The following PCDHA7 variants were observed in gnomAD, a reference collection of about 807,000 sequenced individuals.
PCDHA7 encodes the protein protocadherin alpha 7, also known as protocadherin alpha-7.
PCDHA7 carries 37 observed loss-of-function variants against 57.2 expected under a neutral mutation model. The ratio of observed to expected loss-of-function variants is 0.65; its 90% CI spans 0.50 to 0.85. The LOEUF (loss-of-function observed/expected upper bound fraction) is 0.85. Among genes scored for constraint, PCDHA7 ranks in the 40% least tolerant of loss-of-function variants. PCDHA7 has a pLI of 0.00. For missense variants in PCDHA7, 1,188 were observed against 1,241.8 expected (o/e 0.96, Z 0.65); for synonymous variants, 553 against 558.8 (o/e 0.99, Z 0.15).
At chr5:140,866,764 G>A (rs2049554706) in intron 1 of PCDHA7, 1 of 152,110 alleles carries the variant, frequency 6.6e-6, no homozygotes, top group Non-Finnish European at 1.5e-5. Flanking sequence ...GGACATACAG[G>A]CAGATTGTAT....
At chr5:140,876,480 C>T (rs368324550) in intron 1 of PCDHA7, 10 of 1,613,874 alleles carry the variant, frequency 6.2e-6, no homozygotes, top group Non-Finnish European at 8.5e-6. Context: ...ACAGCATGGT[C>T]CTGGTGGAAG....
chr5:140,938,761 G>A (rs1414324125), intron 1 of PCDHA7, among the ~76,000 whole-genome samples: 5 of 151,992 alleles, frequency 3.3e-5, no homozygotes, highest in Non-Finnish European at 7.4e-5. Flanking sequence ...CATAGTTATT[G>A]GGTACTAGAC....
chr5:140,900,653 T>C (rs1163740859), intron 1 of PCDHA7, among the ~76,000 whole-genome samples: 1 of 152,220 alleles, frequency 6.6e-6, no homozygotes, highest in Non-Finnish European at 1.5e-5. Flanking sequence ...ACTGCTGCAA[T>C]GAACAATGGG....
rs782354452 is a variant in PCDHA7, at chr5:140,966,783, C to G, written c.2356-12166C>G. 28 of 1,520,948 alleles carry G rather than the reference C, an allele frequency of 1.8e-5. No homozygotes were observed. The highest frequency in any genetic ancestry group is 2.1e-4 in the Middle Eastern group (1 of 4,706). The allele number at this position is 1,520,948 out of a possible 1,614,324, so 94.2% of individuals were successfully genotyped here. On this transcript the variant is annotated intron_variant, in intron 1 of 3. Transcript: ENST00000525929. ...CCAGTGGCTATGGAGCAGGCGGGCA[C>G]CAGACCTGCGGCGACAGAGCATCCA...
At chr5:140,957,043 A>C (rs2095328677) in intron 1 of PCDHA7, among the ~76,000 whole-genome samples, 3 of 152,196 alleles carry the variant, frequency 2.0e-5, no homozygotes, top group Admixed American at 2.0e-4. Flanking sequence ...GGAGTCATAT[A>C]AAATAAATTA....
intron 1 of PCDHA7, among the ~76,000 whole-genome samples, chr5:140,970,591 T>G (rs1159349152): frequency 2.6e-5 from 4 of 152,150 alleles, no homozygotes; most frequent in African/African-American, 9.7e-5. Flanking sequence ...GAGATATGCT[T>G]TGTGATACTT....
Position 140,972,810 on chromosome 5 carries a change from C to T in PCDHA7, c.2356-6139C>T, listed in dbSNP as rs546110006. 7.2e-5 allele frequency among the ~76,000 whole-genome samples: 11 copies of T among 151,984 alleles called. No homozygotes were observed. In the East Asian group the frequency reaches 9.7e-4, roughly 13 times the overall value. On this transcript the variant is annotated intron_variant, in intron 1 of 3. Transcript: ENST00000525929. ...TCCTGAGTAGCTGAGATTACAGGCA[C>T]GCGCCACCACGCCTGGCTAATTTTT...
chr5:140,850,619 T>C (rs1327307215), intron 1 of PCDHA7: 1 of 1,598,468 alleles, frequency 6.3e-7, no homozygotes, highest in Non-Finnish European at 8.6e-7. Context: ...GCGCGGTGTC[T>C]AGCCTGTTGG....
At chr5:140,884,063 G>T in intron 1 of PCDHA7, 1 of 1,613,496 alleles carries the variant, frequency 6.2e-7, no homozygotes, top group Non-Finnish European at 8.5e-7. Context: ...CGCGGTGGAC[G>T]CCGATTCGGG....
intron 1 of PCDHA7, chr5:140,853,122 T>A: frequency 1.9e-6 from 1 of 528,258 alleles, no homozygotes; most frequent in Non-Finnish European, 2.5e-6. Flanking sequence ...CTCATGATCC[T>A]CCCGCCTCAG....
chr5:140,951,922 T>C (rs191831107), intron 1 of PCDHA7, among the ~76,000 whole-genome samples: 135 of 152,266 alleles, frequency 8.9e-4, no homozygotes, highest in Non-Finnish European at 1.0e-3. Flanking sequence ...AACAAGTTAG[T>C]TACTCCCAAG....
intron 1 of PCDHA7, among the ~76,000 whole-genome samples, chr5:140,976,508 G>A (rs1039409709): frequency 6.6e-6 from 1 of 151,976 alleles, no homozygotes; most frequent in Non-Finnish European, 1.5e-5. Context: ...CCAAGATCGC[G>A]CCACTGCACA....
intron 1 of PCDHA7, chr5:140,868,917 AAGTT>A: frequency 1.0e-6 from 1 of 955,956 alleles, no homozygotes; most frequent in Non-Finnish European, 1.5e-6. Flanking sequence ...ACTTGGTGGA[AAGTT>A]CATTTAAAGG....
rs2150226563 is a variant in PCDHA7, at chr5:140,834,787, C to A, written c.404C>A (p.Ala135Glu). Reference protein sequence around the residue: ...DINDNPPVFPATQRNLFIAES... With the variant: ...DINDNPPVFPETQRNLFIAES... ...AACGACAACCCTCCGGTGTTCCCAG[C>A]GACACAAAGGAATCTGTTCATCGCG... The change falls in exon 1 of 4, where the codon GCG becomes GAG. Residue 135 changes from alanine to glutamate, a missense_variant. Transcript: ENST00000525929. The A allele has an allele frequency of 3.1e-6, 5 of 1,613,542 alleles. No homozygotes were observed. The highest frequency in any genetic ancestry group is 2.2e-5 in the East Asian group (1 of 44,866).
intron 1 of PCDHA7, among the ~76,000 whole-genome samples, chr5:140,965,734 AT>A (rs2095929489): frequency 6.6e-6 from 1 of 152,220 alleles, no homozygotes; most frequent in Non-Finnish European, 1.5e-5. Flanking sequence ...ATTTTACCAG[AT>A]TTTCCCCATT....
chr5:140,895,614 A>T (rs185386474), intron 1 of PCDHA7, among the ~76,000 whole-genome samples: 101 of 152,212 alleles, frequency 6.6e-4, no homozygotes, highest in African/African-American at 2.4e-3. Context: ...TTTCTCATTG[A>T]GGGTGTTGTC....
At chr5:140,993,462 T>TCACACACACACACACA (rs3836747) in intron 3 of PCDHA7, among the ~76,000 whole-genome samples, 10 of 140,938 alleles carry the variant, frequency 7.1e-5, no homozygotes, top group African/African-American at 2.4e-4. Flanking sequence ...TCTTTCTTTC[T>TCACACACACACACACA]CACACACACA....
At chr5:140,871,802 T>G (rs2053316499) in intron 1 of PCDHA7, among the ~76,000 whole-genome samples, 1 of 152,178 alleles carries the variant, frequency 6.6e-6, no homozygotes, top group South Asian at 2.1e-4. Context: ...TAATTACTAT[T>G]TTCACTAAAG....
intron 1 of PCDHA7, among the ~76,000 whole-genome samples, chr5:140,840,275 G>C (rs1776636892): frequency 6.6e-6 from 1 of 151,944 alleles, no homozygotes; most frequent in Non-Finnish European, 1.5e-5. Flanking sequence ...AATGATTTGG[G>C]TTTTGGGTGA....
Sources: gnomAD v4.1 joint callset for allele counts (sites outside exome capture counted in the v4.1 genomes callset) on GRCh38, gnomAD v4.1.1 for gene constraint, MANE v1.5 for transcripts, NCBI Gene and HGNC (gene_info 2026-07-23, HGNC 2026-07-21) for gene names.